Variants in RAPGEF6 observed in about 807,000 individuals in gnomAD.
RAPGEF6 encodes the protein PDZ domain containing guanine nucleotide exchange factor (GEF) 2.
Under a neutral mutation model 171.4 loss-of-function variants are expected in RAPGEF6, and 56 were observed. The ratio of observed to expected loss-of-function variants is 0.33; its 90% CI spans 0.26 to 0.41. The LOEUF (loss-of-function observed/expected upper bound fraction) is 0.41. Ranked by LOEUF, RAPGEF6 falls within the 10% of genes least tolerant of loss-of-function variation. The pLI, the probability that RAPGEF6 is intolerant of heterozygous loss-of-function variation, is 1.00. For missense variants in RAPGEF6, 1,674 were observed against 1,921.4 expected (o/e 0.87, Z 2.41); for synonymous variants, 692 against 650.1 (o/e 1.06, Z -0.98).
intron 4 of RAPGEF6, among the ~76,000 whole-genome samples, chr5:131,592,103 G>C (rs905957512): frequency 6.6e-6 from 1 of 152,090 alleles, no homozygotes; most frequent in South Asian, 2.1e-4. Context: ...TGATCCGCCC[G>C]CATCAGTCTC....
intron 2 of RAPGEF6, 147 bp from the exon 3 acceptor site, chr5:131,603,474 A>G (rs1172592851): frequency 1.7e-6 from 1 of 580,712 alleles, no homozygotes; most frequent in East Asian, 3.0e-5. Context: ...CAGAGAGTTT[A>G]GAAATATATG....
At chr5:131,552,351 T>C (rs1180534378) in intron 5 of RAPGEF6, among the ~76,000 whole-genome samples, 1 of 152,034 alleles carries the variant, frequency 6.6e-6, no homozygotes, top group African/African-American at 2.4e-5. Flanking sequence ...TCCAGATCTG[T>C]AGTTTGAATT....
At chr5:131,558,951 A>G (rs1761419300) in intron 5 of RAPGEF6, among the ~76,000 whole-genome samples, 4 of 152,222 alleles carry the variant, frequency 2.6e-5, no homozygotes, top group Admixed American at 2.6e-4. Context: ...TCTCTTAGGT[A>G]AAATGTGTAC....
At chr5:131,578,914 T>C (rs1283143148) in intron 4 of RAPGEF6, among the ~76,000 whole-genome samples, 1 of 152,208 alleles carries the variant, frequency 6.6e-6, no homozygotes, top group Non-Finnish European at 1.5e-5. Context: ...TGCTTGCTTA[T>C]ATCCAGCCCC....
At chr5:131,532,012 G>A in intron 6 of RAPGEF6, 2 of 330,184 alleles carry the variant, frequency 6.1e-6, no homozygotes, top group South Asian at 2.4e-5. Flanking sequence ...TTAAAGTTTA[G>A]AAAAGAGCGC....
At chr5:131,596,238 C>T (rs1392649114) in intron 3 of RAPGEF6, among the ~76,000 whole-genome samples, 3 of 36,314 alleles carry the variant, frequency 8.3e-5, no homozygotes, top group African/African-American at 1.1e-4. Flanking sequence ...GCCATGCTTA[C>T]TTTAAGTCAA....
intron 21 of RAPGEF6, among the ~76,000 whole-genome samples, chr5:131,451,668 T>C (rs985388094): frequency 1.3e-5 from 2 of 152,172 alleles, no homozygotes; most frequent in Admixed American, 1.3e-4. Context: ...TTCTATTGGG[T>C]TACGAAAATT....
At chr5:131,555,556 T>C (rs1358464870) in intron 5 of RAPGEF6, among the ~76,000 whole-genome samples, 2 of 151,978 alleles carry the variant, frequency 1.3e-5, no homozygotes, top group Non-Finnish European at 2.9e-5. Context: ...CATCTATTAG[T>C]TATATTAACT....
At chr5:131,438,307 G>A (rs1670289560) in intron 24 of RAPGEF6, among the ~76,000 whole-genome samples, 1 of 152,166 alleles carries the variant, frequency 6.6e-6, no homozygotes, top group Non-Finnish European at 1.5e-5. Context: ...ATTACTTGTA[G>A]TAACACAGCT....
intron 7 of RAPGEF6, 27 bp from the exon 8 acceptor site, chr5:131,510,518 C>G (rs1580941681): frequency 6.3e-7 from 1 of 1,592,188 alleles, no homozygotes; most frequent in East Asian, 2.2e-5. Flanking sequence ...TGATCACTTA[C>G]CATTTCATGT....
At chr5:131,435,812 A>G in intron 24 of RAPGEF6, 5 of 1,387,770 alleles carry the variant, frequency 3.6e-6, no homozygotes, top group Non-Finnish European at 3.8e-6. Flanking sequence ...ACTTATGTAC[A>G]AATGAGGCAT....
intron 6 of RAPGEF6, chr5:131,532,344 CT>C (rs1312078473): frequency 4.4e-6 from 1 of 227,180 alleles, no homozygotes; most frequent in African/African-American, 2.3e-5. Context: ...AAAACGTTCA[CT>C]TTAACAAGCA....
chr5:131,584,336 A>C (rs1044694032), intron 4 of RAPGEF6, among the ~76,000 whole-genome samples: 1 of 152,240 alleles, frequency 6.6e-6, no homozygotes, highest in Non-Finnish European at 1.5e-5. Flanking sequence ...AGTTATAACC[A>C]TAAGAAAATT....
chr5:131,508,137 G>C lies in RAPGEF6; in HGVS notation c.876C>G (p.Leu292=), dbSNP rs779328072. 6.2e-7 allele frequency: 1 copy of C among 1,613,544 alleles called. No individual in the cohort carries two copies. Among genetic ancestry groups the C allele is most frequent in the Non-Finnish European group, 8.5e-7 (1 of 1,179,636 alleles). The change falls in exon 9 of 28, where the codon CTC becomes CTG. Residue 292 remains leucine (L), a synonymous_variant. Transcript: ENST00000509018. ...ANMTMSVRRE[L]CSVMIFEVVE... ...CCACTTCAAAAATCATCACTGAGCA[G>C]AGTTCTCTCCTTACAGACATGGTCA...
chr5:131,520,737 C>T (rs919851093), intron 7 of RAPGEF6, among the ~76,000 whole-genome samples: 2 of 152,152 alleles, frequency 1.3e-5, no homozygotes, highest in Non-Finnish European at 2.9e-5. Flanking sequence ...CATAGAAGTT[C>T]CACTATCTGG....
rs371419501 is a variant in RAPGEF6, at chr5:131,599,418, A to G, written c.197+3853T>C. On this transcript the variant is annotated intron_variant, in intron 3 of 27. Coordinates refer to ENST00000509018, the MANE Select transcript of RAPGEF6 (RefSeq NM_016340.6). ...GTGCAGTACTTGCATGAACACAGGC[A>G]TGAGCAAAATAAACAAATGAGCAAA... Among the ~76,000 whole-genome samples, 5 of 152,328 alleles carry G rather than the reference A, an allele frequency of 3.3e-5. No individual in the cohort carries two copies. The South Asian group carries it at 8.3e-4, about 25-fold the overall frequency.
chr5:131,431,928 G>T (rs1751734333), intron 25 of RAPGEF6, among the ~76,000 whole-genome samples: 1 of 152,106 alleles, frequency 6.6e-6, no homozygotes, highest in Non-Finnish European at 1.5e-5. Flanking sequence ...CCAACTTGAA[G>T]AATCATGTTT....
chr5:131,577,159 T>C (rs190734974), intron 4 of RAPGEF6, among the ~76,000 whole-genome samples: 114 of 152,322 alleles, frequency 7.5e-4, no homozygotes, highest in South Asian at 6.4e-3. Context: ...TTCCTCAGTT[T>C]GACCTTCCCA....
At chr5:131,631,449 C>A (rs949346100) in intron 1 of RAPGEF6, among the ~76,000 whole-genome samples, 1 of 152,198 alleles carries the variant, frequency 6.6e-6, no homozygotes, top group Non-Finnish European at 1.5e-5. Context: ...AGGTCCACAT[C>A]TGATCTATTA....
Sources: gnomAD v4.1 joint callset for allele counts (sites outside exome capture counted in the v4.1 genomes callset) on GRCh38, gnomAD v4.1.1 for gene constraint, MANE v1.5 for transcripts, NCBI Gene and HGNC (gene_info 2026-07-23, HGNC 2026-07-21) for gene names.